Variants in PAPOLG observed in about 807,000 individuals in gnomAD.
PAPOLG encodes the protein poly(A) polymerase gamma, also known as PAP-gamma.
A neutral mutation model predicts 99.0 loss-of-function variants in PAPOLG; 40 were observed. The ratio of observed to expected loss-of-function variants is 0.40; its 90% CI spans 0.31 to 0.53. The LOEUF (loss-of-function observed/expected upper bound fraction) is 0.53. Among genes scored for constraint, PAPOLG ranks in the 20% least tolerant of loss-of-function variants. PAPOLG has a pLI of 0.41. For missense variants in PAPOLG, 675 were observed against 884.1 expected, an observed-to-expected ratio of 0.76 and a Z score of 3.00; for synonymous variants, 310 against 299.3, an observed-to-expected ratio of 1.04 and a Z score of -0.37.
intron 7 of PAPOLG, among the ~76,000 whole-genome samples, chr2:60,773,351 T>G (rs1173509962): frequency 6.6e-6 from 1 of 152,174 alleles, no homozygotes; most frequent in Non-Finnish European, 1.5e-5. Flanking sequence ...TAATCTGCTT[T>G]ATTTCTTTGT....
At chr2:60,784,034 C>T (rs1671282617) in intron 13 of PAPOLG, among the ~76,000 whole-genome samples, 2 of 152,148 alleles carry the variant, frequency 1.3e-5, no homozygotes, top group African/African-American at 4.8e-5. Flanking sequence ...AGTGCAGTGG[C>T]GTGATCTCAG....
chr2:60,791,316 C>T (rs1047393099), intron 15 of PAPOLG, among the ~76,000 whole-genome samples: 4 of 152,122 alleles, frequency 2.6e-5, no homozygotes, highest in African/African-American at 7.2e-5. Context: ...TTTGGGAGGC[C>T]GAGGTGGGCG....
chr2:60,780,616 G>A, intron 9 of PAPOLG, 91 bp from the exon 10 acceptor site: 1 of 1,329,678 alleles, frequency 7.5e-7, no homozygotes, highest in Non-Finnish European at 1.1e-6. Flanking sequence ...CATTCACTCT[G>A]TAGAAGGTTA....
chr2:60,777,206 A>G (rs1373790387), intron 8 of PAPOLG, among the ~76,000 whole-genome samples: 1 of 152,178 alleles, frequency 6.6e-6, no homozygotes, highest in East Asian at 1.9e-4. Flanking sequence ...CTGTAATCCC[A>G]GTACTTTGGG....
intron 13 of PAPOLG, among the ~76,000 whole-genome samples, chr2:60,785,824 C>T (rs1228529261): frequency 6.6e-6 from 1 of 151,934 alleles, no homozygotes; most frequent in African/African-American, 2.4e-5. Context: ...TGAGCCACCG[C>T]ACCTGGCCTA....
At chr2:60,782,516 C>T (rs1295351938) in intron 11 of PAPOLG, 170 bp from the exon 12 acceptor site, 8 of 840,792 alleles carry the variant, frequency 9.5e-6, no homozygotes, top group Non-Finnish European at 1.1e-5. Context: ...GAGATAGATC[C>T]ACCACACTCC....
At chr2:60,795,501 T>C (rs1671668054) in intron 21 of PAPOLG, among the ~76,000 whole-genome samples, 1 of 152,128 alleles carries the variant, frequency 6.6e-6, no homozygotes, top group Non-Finnish European at 1.5e-5. Context: ...TGTTTATTAT[T>C]TGAAGAATTA....
chr2:60,779,835 T>G, intron 9 of PAPOLG, 60 bp downstream of exon 9: 1 of 1,452,344 alleles, frequency 6.9e-7, no homozygotes, highest in Non-Finnish European at 9.5e-7. Flanking sequence ...GTAAGTTTGT[T>G]TGGAAATTTA....
chr2:60,787,479 A>G, intron 14 of PAPOLG, 32 bp from the exon 15 acceptor site: 1 of 1,575,062 alleles, frequency 6.3e-7, no homozygotes, highest in Non-Finnish European at 8.6e-7. Context: ...AATAATAATA[A>G]TTAATGGAAA....
chr2:60,779,821 A>T, intron 9 of PAPOLG, 46 bp downstream of exon 9: 2 of 1,497,374 alleles, frequency 1.3e-6, no homozygotes, highest in Non-Finnish European at 1.8e-6. Flanking sequence ...ATCTCTACCT[A>T]TGCGTAAGTT....
rs182632006 is a variant in PAPOLG at position 60,780,969 on chromosome 2, C to G, written c.906+190C>G. Reference sequence around the variant, plus strand: ...ATGATTAGGATCACTAATGCTGATCCAAATGTTATGTCATTAAAAATCGCC... The same window carrying G: ...ATGATTAGGATCACTAATGCTGATCGAAATGTTATGTCATTAAAAATCGCC... On this transcript the variant is annotated intron_variant, in intron 10 of 21. Transcript: ENST00000238714. 1.5e-4 allele frequency among the ~76,000 whole-genome samples: 23 copies of G among 152,122 alleles called. No individual in the cohort carries two copies. In the East Asian group the frequency reaches 3.5e-3, roughly 23 times the overall value.
chr2:60,792,006 A>T (rs1049312568), intron 16 of PAPOLG, 123 bp from the exon 17 acceptor site: 11 of 1,454,388 alleles, frequency 7.6e-6, no homozygotes, highest in Non-Finnish European at 1.0e-5. Flanking sequence ...AGTTCAATCT[A>T]GGACTAAAAT....
chr2:60,759,668 A>G (rs533873559), intron 1 of PAPOLG, among the ~76,000 whole-genome samples: 1 of 152,250 alleles, frequency 6.6e-6, no homozygotes. Flanking sequence ...TTATTTCACA[A>G]GGACCTTCTA....
chr2:60,779,384 A>G (rs909207098), intron 8 of PAPOLG, among the ~76,000 whole-genome samples: 1 of 152,228 alleles, frequency 6.6e-6, no homozygotes, highest in African/African-American at 2.4e-5. Context: ...AGGTGTCTGT[A>G]TTAGAAGGGA....
At chr2:60,792,941 C>T in intron 17 of PAPOLG, among the ~76,000 whole-genome samples, 1 of 152,110 alleles carries the variant, frequency 6.6e-6, no homozygotes, top group Non-Finnish European at 1.5e-5. Flanking sequence ...GAGGCTGAGG[C>T]AGGAGAATCG....
chr2:60,791,172 C>A (rs1558716190), intron 15 of PAPOLG, among the ~76,000 whole-genome samples: 2 of 151,962 alleles, frequency 1.3e-5, no homozygotes, highest in African/African-American at 2.4e-5. Flanking sequence ...AAAATAAGAT[C>A]TGGAAAATAC....
intron 12 of PAPOLG, 53 bp downstream of exon 12, chr2:60,782,823 G>T (rs1486976171): frequency 1.3e-6 from 2 of 1,508,078 alleles, no homozygotes; most frequent in East Asian, 2.4e-5. Context: ...TTTTAAAGAA[G>T]AATGTTAAAC....
At chr2:60,759,309 A>G (rs1432308353) in intron 1 of PAPOLG, among the ~76,000 whole-genome samples, 1 of 151,974 alleles carries the variant, frequency 6.6e-6, no homozygotes, top group Non-Finnish European at 1.5e-5. Flanking sequence ...CAGAGGTTGC[A>G]GTGAGCTGAG....
intron 8 of PAPOLG, among the ~76,000 whole-genome samples, chr2:60,778,220 C>T (rs1302665201): frequency 2.6e-5 from 4 of 152,188 alleles, no homozygotes; most frequent in African/African-American, 9.7e-5. Context: ...AATTATAGCT[C>T]ACTGCAGCCT....
Sources: gnomAD v4.1 joint callset for allele counts (sites outside exome capture counted in the v4.1 genomes callset) on GRCh38, gnomAD v4.1.1 for gene constraint, MANE v1.5 for transcripts, NCBI Gene and HGNC (gene_info 2026-07-23, HGNC 2026-07-21) for gene names.